The following SCNN1D variants were observed in gnomAD, a reference collection of about 807,000 sequenced individuals.
SCNN1D encodes sodium channel epithelial 1 subunit delta.
Under a neutral mutation model 87.8 loss-of-function variants are expected in SCNN1D, and 104 were observed. The ratio of observed to expected loss-of-function variants is 1.18; its 90% CI spans 1.01 to 1.39. The LOEUF (loss-of-function observed/expected upper bound fraction) is 1.39, where lower values mean the gene tolerates loss of function less well. SCNN1D is among the 40% of genes most tolerant of loss of function. The pLI, the probability that SCNN1D is intolerant of heterozygous loss-of-function variation, is 0.00. For missense variants in SCNN1D, 1,324 were observed against 1,093.9 expected (o/e 1.21, Z -2.97); for synonymous variants, 628 against 481.2 (o/e 1.31, Z -3.99).
intron 3 of SCNN1D, 123 bp downstream of exon 3, chr1:1,281,733 A>G: frequency 3.3e-6 from 3 of 900,240 alleles, no homozygotes; most frequent in Middle Eastern, 6.1e-4. Flanking sequence ...CGGGTCATGG[A>G]AGGGGTGCTC....
At position 1,290,191 on chromosome 1, in the gene SCNN1D, C is replaced by CCTGCTCCGTCCCCCGAGTCT. The variant is rs1640748442; in HGVS notation, c.1663-68_1663-67insCCGAGTCTCTGCTCCGTCCC. On this transcript the variant is annotated intron_variant, in intron 12 of 17. Coordinates refer to ENST00000379116, the MANE Select transcript of SCNN1D (RefSeq NM_001130413.4). ...CCGTGTCCCTGCTCCGTCCCGTGTCCCTGCTCCGTCCCGTGTCTCTGCCCC... is the reference window on the plus strand; with the variant it reads ...CCGTGTCCCTGCTCCGTCCCGTGTCCCTGCTCCGTCCCCCGAGTCTCTGCTCCGTCCCGTGTCTCTGCCCC... 2 of 512,694 alleles carry CCTGCTCCGTCCCCCGAGTCT rather than the reference C, an allele frequency of 3.9e-6. 1 individual carries two copies. Among genetic ancestry groups the CCTGCTCCGTCCCCCGAGTCT allele is most frequent in the Admixed American group, 1.2e-4 (2 of 17,180 alleles). 31.8% of individuals were successfully genotyped at this position (512,694 alleles called of 1,614,324 possible).
intron 4 of SCNN1D, 141 bp downstream of exon 4, chr1:1,282,456 C>T (rs546730387): frequency 2.5e-5 from 24 of 965,570 alleles, no homozygotes; most frequent in South Asian, 8.5e-5. Flanking sequence ...AACCTGGGCC[C>T]GGCTCGGGTC....
chr1:1,287,946 T>C lies in SCNN1D; in HGVS notation c.1571T>C (p.Val524Ala), dbSNP rs1201535897. Residue 524 changes from valine to alanine, a missense_variant, in exon 12 of 18, where the codon GTG becomes GCG. By Grantham distance (64) the Val-to-Ala change is moderately conservative. Coordinates refer to ENST00000379116, the MANE Select transcript of SCNN1D (RefSeq NM_001130413.4). ...EATISIREDE[V>A]HRLGSPYGHC... is the part of the protein sequence containing the mutation. The stretch of plus-strand genomic sequence containing the variant: ...TGAAGCGTCCCCTCCCAGGACGAGG[T>C]GCACCGGCTCGGGAGCCCCTACGGC... 9.7e-6 allele frequency: 15 copies of C among 1,543,278 alleles called. No individual in the cohort carries two copies. Among genetic ancestry groups the C allele is most frequent in the Non-Finnish European group, 1.3e-5 (15 of 1,142,386 alleles).
chr1:1,290,417 G>T (rs752743565), intron 13 of SCNN1D, 29 bp downstream of exon 13: 1 of 1,609,816 alleles, frequency 6.2e-7, no homozygotes, highest in South Asian at 1.1e-5. Flanking sequence ...CTCCCACTCT[G>T]TCAGCCATTA....
At chr1:1,287,485 C>G in intron 9 of SCNN1D, 23 bp from the exon 10 acceptor site, 3 of 1,516,254 alleles carry the variant, frequency 2.0e-6, no homozygotes, top group Non-Finnish European at 2.7e-6. Flanking sequence ...CATTCAAGGT[C>G]TGAGCTTGGC....
Position 1,281,459 on chromosome 1 carries a change from G to A in SCNN1D, c.126G>A (p.Glu42=). 1 of 1,520,310 alleles carries A rather than the reference G, an allele frequency of 6.6e-7. No homozygotes were observed. 94.2% of individuals were successfully genotyped at this position (1,520,310 alleles called of 1,614,324 possible). ...CSDHRTPTCR[E]LGSPHPTPCT... is the part of the protein sequence containing the mutation. ...ACCACAGGACCCCCACATGCCGGGA[G>A]CTGGGTTCGCCCCACCCCACCCCCT... The change falls in exon 3 of 18, where the codon GAG becomes GAA. Residue 42 remains glutamate (E), a synonymous_variant. Coordinates refer to ENST00000379116, the MANE Select transcript of SCNN1D (RefSeq NM_001130413.4).
chr1:1,287,403 C>T, intron 9 of SCNN1D, 104 bp downstream of exon 9: 2 of 1,485,788 alleles, frequency 1.3e-6, no homozygotes, highest in Non-Finnish European at 1.8e-6. Flanking sequence ...CCAAGGCTGG[C>T]CGGAGGAACT....
At position 1,284,067 on chromosome 1, in the gene SCNN1D, A is replaced by C; in HGVS notation, c.441A>C (p.Pro147=). 1 of 1,183,994 alleles carries C rather than the reference A, an allele frequency of 8.4e-7. No homozygotes were observed. The allele number at this position is 1,183,994 out of a possible 1,614,324, so 73.3% of individuals were successfully genotyped here. A position where few individuals can be genotyped will look rare whatever the true frequency, so the allele number is the denominator to read the frequency against. ...TEAWTGEWKQ[P]HGGALTSRSP... ...CATGGACGGGAGAATGGAAGCAGCC[A>C]CACGGGGGGGCTCTCACCTCCAGGT... The change falls in exon 5 of 18, where the codon CCA becomes CCC. Residue 147 remains proline (P), a synonymous_variant. Coordinates refer to ENST00000379116, the MANE Select transcript of SCNN1D (RefSeq NM_001130413.4).
intron 5 of SCNN1D, among the ~76,000 whole-genome samples, chr1:1,284,523 G>T (rs1044021827): frequency 6.7e-6 from 1 of 149,352 alleles, no homozygotes; most frequent in South Asian, 2.1e-4. Context: ...GACCACTGGG[G>T]GTGCCGAGCG....
intron 16 of SCNN1D, 39 bp downstream of exon 16, chr1:1,290,992 C>A: frequency 3.8e-6 from 6 of 1,589,998 alleles, no homozygotes; most frequent in Non-Finnish European, 5.1e-6. Flanking sequence ...CATCACAGCC[C>A]CTCTCCCCTC....
In SCNN1D at chr1:1,291,804, G is replaced by C. The variant is rs1357405159; in HGVS notation, c.*194G>C. 4.2e-6 allele frequency: 2 copies of C among 471,656 alleles called. No individual in the cohort carries two copies. Among genetic ancestry groups the C allele is most frequent in the Non-Finnish European group, 7.4e-6 (2 of 270,578 alleles). The allele number at this position is 471,656 out of a possible 1,614,324, so 29.2% of individuals were successfully genotyped here. The stretch of plus-strand genomic sequence containing the variant: ...CACTGCCTGGGGTGGGTCTCAAGGA[G>C]GCCCGGGGCGGAGGGGGGTTCCCGC... On this transcript the variant is annotated 3_prime_UTR_variant, in exon 18 of 18. Coordinates refer to ENST00000379116, the MANE Select transcript of SCNN1D (RefSeq NM_001130413.4).
chr1:1,281,381 G>A (rs1220358218), intron 2 of SCNN1D, 30 bp from the exon 3 acceptor site: 2 of 1,529,628 alleles, frequency 1.3e-6, no homozygotes, highest in Non-Finnish European at 1.8e-6. Flanking sequence ...AGGGAGCCAG[G>A]GATGCCTGCC....
rs371150047 is a variant in SCNN1D at position 1,290,655 on chromosome 1, C to T, written c.1878C>T (p.Leu626=). ...CTTCCAGGGAGTCTGCATTCAAGCT[C>T]TCCACTGGGACCTCCAGGTGGCCTT... ...PRPCRESAFK[L]STGTSRWPSA... The change falls in exon 15 of 18, where the codon CTC becomes CTT. Residue 626 remains leucine (L), a synonymous_variant. Coordinates refer to ENST00000379116, the MANE Select transcript of SCNN1D (RefSeq NM_001130413.4). The T allele has an allele frequency of 1.9e-6, 3 of 1,612,558 alleles. No homozygotes were observed. The highest frequency in any genetic ancestry group is 2.5e-6 in the Non-Finnish European group (3 of 1,179,936).
rs1168600739 is a variant in SCNN1D at position 1,288,260 on chromosome 1, TGTCTCTGCTCCGTCCCCCGA to T, written c.1662+240_1662+259del. On this transcript the variant is annotated intron_variant, in intron 12 of 17. Coordinates refer to ENST00000379116, the MANE Select transcript of SCNN1D (RefSeq NM_001130413.4). Reference sequence around the variant, plus strand: ...CGTCCCGTGTCTCTGCTCCGTCCCGTGTCTCTGCTCCGTCCCCCGAGTCTCTGCTCCGTCCCGTGTCTGCT... The same window carrying T: ...CGTCCCGTGTCTCTGCTCCGTCCCGTGTCTCTGCTCCGTCCCGTGTCTGCT... Among the ~76,000 whole-genome samples the T allele has an allele frequency of 5.6e-3, 624 of 111,714 alleles. 66 individuals are homozygous for T. Among genetic ancestry groups the T allele is most frequent in the East Asian group, 0.044 (116 of 2,666 alleles). 73.3% of individuals were successfully genotyped at this position (111,714 alleles called of 152,430 possible). A position where few individuals can be genotyped will look rare whatever the true frequency, so the allele number is the denominator to read the frequency against.
chr1:1,286,923 G>T lies in SCNN1D; in HGVS notation c.1067G>T (p.Arg356Leu). 6.2e-7 allele frequency: 1 copy of T among 1,612,444 alleles called. No homozygotes were observed. The highest frequency in any genetic ancestry group is 8.5e-7 in the Non-Finnish European group (1 of 1,179,842). The change falls in exon 8 of 18, where the codon CGT becomes CTT. Residue 356 changes from arginine to leucine, a missense_variant. Coordinates refer to ENST00000379116, the MANE Select transcript of SCNN1D (RefSeq NM_001130413.4). Reference protein sequence around the residue: ...EPPFHLDREIRLQRLSHSGSR... With the variant: ...EPPFHLDREILLQRLSHSGSR... ...CCCTTCCACCTGGACCGGGAGATCC[G>T]TCTGCAGAGGCTGAGCCACTCGGGC... is the stretch of plus-strand genomic sequence containing the variant.
rs929900320 is a variant in SCNN1D at position 1,281,467 on chromosome 1, C to G, written c.134C>G (p.Ser45Trp). ...HRTPTCRELG[S>W]PHPTPCTGPA... ...ACCCCCACATGCCGGGAGCTGGGTTCGCCCCACCCCACCCCCTGCACCGGG... is the reference window on the plus strand; with the variant it reads ...ACCCCCACATGCCGGGAGCTGGGTTGGCCCCACCCCACCCCCTGCACCGGG... The change falls in exon 3 of 18, where the codon TCG becomes TGG. Residue 45 changes from serine to tryptophan, a missense_variant. Physicochemically the swap from Ser to Trp is radical, Grantham distance 177. Transcript: ENST00000379116. 3 of 1,520,996 alleles carry G rather than the reference C, an allele frequency of 2.0e-6. No individual in the cohort carries two copies. Among genetic ancestry groups the G allele is most frequent in the South Asian group, 1.2e-5 (1 of 81,398 alleles). The allele number at this position is 1,520,996 out of a possible 1,614,324, so 94.2% of individuals were successfully genotyped here.
At chr1:1,287,474 A>T in intron 9 of SCNN1D, 34 bp from the exon 10 acceptor site, 1 of 1,511,812 alleles carries the variant, frequency 6.6e-7, no homozygotes, top group Non-Finnish European at 8.9e-7. Flanking sequence ...CGGGCAGCCG[A>T]CATTCAAGGT....
At chr1:1,288,099 G>T in intron 12 of SCNN1D, 62 bp downstream of exon 12, 1 of 1,193,736 alleles carries the variant, frequency 8.4e-7, no homozygotes, top group South Asian at 1.5e-5. Context: ...GGGGGTGTGG[G>T]CGGGTGGAAC....
intron 3 of SCNN1D, among the ~76,000 whole-genome samples, 157 bp downstream of exon 3, chr1:1,281,767 C>G (rs1200868999): frequency 6.6e-6 from 1 of 152,214 alleles, no homozygotes; most frequent in Non-Finnish European, 1.5e-5. Flanking sequence ...GGCTCCCCCT[C>G]CTACAGGAAG....
Sources: allele counts gnomAD v4.1 joint callset (sites outside exome capture counted in the v4.1 genomes callset), GRCh38; gene constraint gnomAD v4.1.1; transcripts MANE v1.5; gene names NCBI Gene and HGNC (gene_info 2026-07-23, HGNC 2026-07-21).